RPS6KA1: variants seen among roughly 807,000 people sequenced by gnomAD.
RPS6KA1 encodes the protein ribosomal protein S6 kinase alpha-1.
RPS6KA1 carries 48 observed loss-of-function variants against 91.3 expected under a neutral mutation model. The ratio of observed to expected loss-of-function variants is 0.53; its 90% CI spans 0.42 to 0.67. The LOEUF is 0.67. Ranked by LOEUF, RPS6KA1 falls within the 30% of genes least tolerant of loss-of-function variation. RPS6KA1 has a pLI of 0.00. For missense variants in RPS6KA1, 719 were observed against 960.5 expected (o/e 0.75, Z 3.32); for synonymous variants, 359 against 384.7 (o/e 0.93, Z 0.78).
In RPS6KA1 at chr1:26,571,712, C is replaced by T; in HGVS notation, c.1752+102C>T. 2.7e-6 allele frequency: 4 copies of T among 1,505,490 alleles called. No individual in the cohort carries two copies. The highest frequency in any genetic ancestry group is 3.6e-6 in the Non-Finnish European group (4 of 1,110,574). 93.3% of individuals were successfully genotyped at this position (1,505,490 alleles called of 1,614,324 possible). ...TTAGCCGGGACTCCAGTCTCTGTGA[C>T]CTTGGCCCAGCTGGCAAGGGAAGAT... On this transcript the variant is annotated intron_variant, in intron 18 of 21. Transcript: ENST00000374168. This position sits in a 1 kb window ranked among gnomAD's most constrained non-coding sequence, Gnocchi z 5.1.
At chr1:26,573,504 G>A (rs574240086) in intron 21 of RPS6KA1, 143 bp downstream of exon 21, 79 of 968,442 alleles carry the variant, frequency 8.2e-5, no homozygotes, top group African/African-American at 4.8e-4. Context: ...CAGCCCTGCC[G>A]TCAGGGAGCC....
chr1:26,567,395 T>C (rs1161222578), intron 17 of RPS6KA1, among the ~76,000 whole-genome samples: 1 of 151,998 alleles, frequency 6.6e-6, no homozygotes, highest in East Asian at 1.9e-4. Flanking sequence ...TGTTTGTTTG[T>C]TTTGAGACGG....
At chr1:26,557,863 C>G (rs1449126781) in intron 13 of RPS6KA1, among the ~76,000 whole-genome samples, 3 of 145,316 alleles carry the variant, frequency 2.1e-5, no homozygotes, top group Non-Finnish European at 4.5e-5. Flanking sequence ...GAGTCTCGCT[C>G]TGTTGCCCAG....
chr1:26,571,962 C>A lies in RPS6KA1; in HGVS notation c.1829+37C>A. 6.3e-7 allele frequency: 1 copy of A among 1,586,830 alleles called. No homozygotes were observed. The stretch of plus-strand genomic sequence containing the variant: ...TGGCCTGGACCCTTCCCCACTCCTG[C>A]AGCCCTAGCACTTGGGCTGAGTGGT... On this transcript the variant is annotated intron_variant, in intron 19 of 21. Coordinates refer to ENST00000374168, the MANE Select transcript of RPS6KA1 (RefSeq NM_002953.4). This position sits in a 1 kb window ranked among gnomAD's most constrained non-coding sequence, Gnocchi z 5.1.
chr1:26,530,794 G>A, intron 1 of RPS6KA1: 2 of 1,288,628 alleles, frequency 1.6e-6, no homozygotes, highest in Non-Finnish European at 2.0e-6. Context: ...GTCCCTAAGC[G>A]TGCAGAAGGC....
chr1:26,553,130 A>G (rs1157541763), intron 6 of RPS6KA1, among the ~76,000 whole-genome samples: 1 of 152,126 alleles, frequency 6.6e-6, no homozygotes, highest in Non-Finnish European at 1.5e-5. Context: ...TGCAGGGGAG[A>G]GGGCTGATTC....
chr1:26,556,739 C>A, intron 12 of RPS6KA1, 21 bp downstream of exon 12: 3 of 1,612,230 alleles, frequency 1.9e-6, no homozygotes, highest in Non-Finnish European at 1.7e-6. Flanking sequence ...CCACCCACAC[C>A]AGGGCTCTGG....
At chr1:26,564,178 A>G (rs903165672) in intron 17 of RPS6KA1, among the ~76,000 whole-genome samples, 2 of 152,198 alleles carry the variant, frequency 1.3e-5, no homozygotes, top group Non-Finnish European at 2.9e-5. Context: ...CTATGGAGGT[A>G]CACTTCACAG....
Position 26,543,023 on chromosome 1 carries a change from A to C in RPS6KA1, c.109-3844A>C, listed in dbSNP as rs1279822763. ...CCTCCTCTATAGAGGAGCCTGACCC[A>C]TCATCTGCCCCTCCTCCCTGCAGAG... On this transcript the variant is annotated intron_variant, in intron 2 of 21. Coordinates refer to ENST00000374168, the MANE Select transcript of RPS6KA1 (RefSeq NM_002953.4). 1.2e-5 allele frequency: 11 copies of C among 912,082 alleles called. No homozygotes were observed. The East Asian group carries it at 2.9e-4, about 24-fold the overall frequency. 56.5% of individuals were successfully genotyped at this position (912,082 alleles called of 1,614,324 possible).
At chr1:26,553,777 TA>T in intron 7 of RPS6KA1, 1 of 262,736 alleles carries the variant, frequency 3.8e-6, no homozygotes, top group Middle Eastern at 1.2e-3. Flanking sequence ...CTTTCCTTGA[TA>T]AAGCCCTATA....
rs1297338634 is a variant in RPS6KA1 at position 26,547,978 on chromosome 1, C to G, written c.307+708C>G. 6.6e-6 allele frequency among the ~76,000 whole-genome samples: 1 copy of G among 152,054 alleles called. No homozygotes were observed. The highest frequency in any genetic ancestry group is 2.4e-5 in the African/African-American group (1 of 41,370). On this transcript the variant is annotated intron_variant, in intron 4 of 21. Coordinates refer to ENST00000374168, the MANE Select transcript of RPS6KA1 (RefSeq NM_002953.4). This position sits in a 1 kb window ranked among gnomAD's most constrained non-coding sequence, Gnocchi z 4.1. ...TGAGGTCAGGAGTTCAAGACCTGAC[C>G]AACATGTTGAAACCCCGTCTCTACT...
At chr1:26,531,898 G>C (rs1211265265) in intron 1 of RPS6KA1, among the ~76,000 whole-genome samples, 1 of 152,198 alleles carries the variant, frequency 6.6e-6, no homozygotes, top group African/African-American at 2.4e-5. Flanking sequence ...AGGAGCCACA[G>C]GGCAGCCACG....
chr1:26,548,801 GAAA>G (rs751538265), intron 4 of RPS6KA1, among the ~76,000 whole-genome samples: 1 of 126,164 alleles, frequency 7.9e-6, no homozygotes, highest in South Asian at 2.4e-4. Flanking sequence ...CTCCATCTCA[GAAA>G]AAAAAAAAAA....
chr1:26,573,471 G>T, intron 21 of RPS6KA1, 110 bp downstream of exon 21: 1 of 1,280,962 alleles, frequency 7.8e-7, no homozygotes, highest in Non-Finnish European at 1.1e-6. Context: ...GCACCATGAG[G>T]TGGAACATAG....
Position 26,561,604 on chromosome 1 carries a change from G to A in RPS6KA1, c.1531G>A (p.Glu511Lys). The A allele has an allele frequency of 6.2e-7, 1 of 1,614,012 alleles. No individual in the cohort carries two copies. Among genetic ancestry groups the A allele is most frequent in the Non-Finnish European group, 8.5e-7 (1 of 1,179,926 alleles). Residue 511 changes from glutamate to lysine, a missense_variant, in exon 17 of 22, where the codon GAG becomes AAG. Coordinates refer to ENST00000374168, the MANE Select transcript of RPS6KA1 (RefSeq NM_002953.4). This position sits in a 1 kb window ranked among gnomAD's most constrained non-coding sequence, Gnocchi z 5.7. ...ILRQKFFSER[E>K]ASFVLHTIGK... ...GCGGCAGAAGTTCTTCTCAGAGCGG[G>A]AGGCCAGCTTTGTCCTGCACACCAT...
At chr1:26,573,603 G>A (rs1557519227) in intron 21 of RPS6KA1, among the ~76,000 whole-genome samples, 1 of 152,176 alleles carries the variant, frequency 6.6e-6, no homozygotes, top group Non-Finnish European at 1.5e-5. Context: ...GTCTGATGGG[G>A]GAGGCAGGAC....
chr1:26,570,109 G>GC (rs1315409109), intron 17 of RPS6KA1, among the ~76,000 whole-genome samples: 1 of 152,176 alleles, frequency 6.6e-6, no homozygotes, highest in Admixed American at 6.5e-5. Flanking sequence ...GGATTTATGA[G>GC]CCAAGACTCA....
At chr1:26,567,964 T>A (rs1044062159) in intron 17 of RPS6KA1, among the ~76,000 whole-genome samples, 13 of 152,178 alleles carry the variant, frequency 8.5e-5, no homozygotes, top group African/African-American at 9.7e-5. Context: ...CCCGACTCCT[T>A]CCTGTGACTG....
In RPS6KA1 at chr1:26,547,891, C is replaced by T. The variant is rs1327543117; in HGVS notation, c.307+621C>T. 2.0e-5 allele frequency among the ~76,000 whole-genome samples: 3 copies of T among 152,168 alleles called. No individual in the cohort carries two copies. The highest frequency in any genetic ancestry group is 6.5e-5 in the Admixed American group (1 of 15,280). ...AGTCTCTCTTTAAATAAGTCAAGGC[C>T]GGGCGCGGTGGCTCACACCTGTAAT... is the stretch of plus-strand genomic sequence containing the variant. On this transcript the variant is annotated intron_variant, in intron 4 of 21. Coordinates refer to ENST00000374168, the MANE Select transcript of RPS6KA1 (RefSeq NM_002953.4). The surrounding 1 kb of genome is among the most constrained non-coding windows in gnomAD (Gnocchi z 4.1).
Sources: gnomAD v4.1 joint callset for allele counts (sites outside exome capture counted in the v4.1 genomes callset) on GRCh38, gnomAD v4.1.1 for gene constraint, Gnocchi (gnomAD v3.1) non-coding constraint, MANE v1.5 for transcripts, NCBI Gene and HGNC (gene_info 2026-07-23, HGNC 2026-07-21) for gene names.